The following NAALADL2 variants were observed in gnomAD, a reference collection of about 807,000 sequenced individuals.
The protein encoded by NAALADL2 is inactive N-acetylated-alpha-linked acidic dipeptidase-like protein 2.
In NAALADL2, 76 loss-of-function variants were observed where a neutral mutation model predicts 87.2. That is an observed-to-expected ratio of 0.87 (90% CI 0.72 to 1.05). The LOEUF (loss-of-function observed/expected upper bound fraction) is 1.05. Ranked by LOEUF, NAALADL2 falls within the 50% of genes least tolerant of loss-of-function variation. The pLI is 0.00. For missense variants in NAALADL2, 1,089 were observed against 945.8 expected (o/e 1.15, Z -1.99); for synonymous variants, 354 against 331.0 (o/e 1.07, Z -0.75).
intron 9 of NAALADL2, among the ~76,000 whole-genome samples, chr3:175,524,916 G>A (rs976119036): frequency 2.0e-5 from 3 of 152,132 alleles, no homozygotes; most frequent in South Asian, 2.1e-4. Flanking sequence ...AACTAATAAT[G>A]ATAGAGAAAT....
intron 11 of NAALADL2, among the ~76,000 whole-genome samples, chr3:175,689,999 G>A (rs1032448054): frequency 2.0e-5 from 3 of 151,950 alleles, no homozygotes; most frequent in Non-Finnish European, 4.4e-5. Context: ...GAAAACCACG[G>A]AGCTTTCATA....
intron 10 of NAALADL2, among the ~76,000 whole-genome samples, chr3:175,591,939 AAT>A: frequency 6.6e-6 from 1 of 151,926 alleles, no homozygotes; most frequent in Admixed American, 6.6e-5. Context: ...ATAGTGGAAA[AAT>A]AAAATCTGAG....
rs1040990173 is a variant in NAALADL2 at position 174,674,622 on chromosome 3, A to G, written c.-114-63019A>G. On this transcript the variant is annotated intron_variant, in intron 2 of 3. Coordinates refer to the NAALADL2 transcript ENST00000434257. ...TTGGTGGAAATAATTCCTTTTAAATAACTTATCTACCCTTTTATTGGGCCT... is the reference window on the plus strand; with the variant it reads ...TTGGTGGAAATAATTCCTTTTAAATGACTTATCTACCCTTTTATTGGGCCT... Among the ~76,000 whole-genome samples the G allele has an allele frequency of 2.0e-5, 3 of 152,006 alleles. No homozygotes were observed. The East Asian group carries it at 5.8e-4, about 29-fold the overall frequency.
chr3:175,617,345 C>A (rs1443967443), intron 10 of NAALADL2, among the ~76,000 whole-genome samples: 1 of 152,110 alleles, frequency 6.6e-6, no homozygotes, highest in Non-Finnish European at 1.5e-5. Flanking sequence ...TGCTGGGACC[C>A]ATTTGGTCCT....
intron 1 of NAALADL2, among the ~76,000 whole-genome samples, chr3:174,543,094 A>G (rs1291763061): frequency 1.3e-5 from 2 of 152,144 alleles, no homozygotes; most frequent in African/African-American, 4.8e-5. Context: ...AGAAGGAGAC[A>G]TTAGTGACTT....
intron 9 of NAALADL2, among the ~76,000 whole-genome samples, chr3:175,569,310 C>G (rs1283169002): frequency 6.6e-6 from 1 of 152,178 alleles, no homozygotes; most frequent in Non-Finnish European, 1.5e-5. Flanking sequence ...ATTCTTCTTA[C>G]TACCATTAGT....
At chr3:175,786,964 C>T (rs887454706) in intron 13 of NAALADL2, among the ~76,000 whole-genome samples, 5 of 152,024 alleles carry the variant, frequency 3.3e-5, no homozygotes, top group African/African-American at 9.7e-5. Context: ...TGTTGGAATA[C>T]CCTGCCATGT....
intron 5 of NAALADL2, among the ~76,000 whole-genome samples, chr3:175,415,954 T>TAAA (rs58764853): frequency 0.074 from 9,862 of 133,450 alleles, 551 homozygotes; most frequent in African/African-American, 0.16. Context: ...TGTCTCTATT[T>TAAA]AAAAAAAAAA....
chr3:174,786,543 A>T (rs1400457267), intron 3 of NAALADL2, among the ~76,000 whole-genome samples: 3 of 151,994 alleles, frequency 2.0e-5, no homozygotes, highest in Non-Finnish European at 4.4e-5. Flanking sequence ...AGGATGATAG[A>T]TCTGTTCTAT....
At chr3:174,897,459 A>T (rs1560337777) in intron 1 of NAALADL2, among the ~76,000 whole-genome samples, 1 of 152,182 alleles carries the variant, frequency 6.6e-6, no homozygotes, top group Non-Finnish European at 1.5e-5. Flanking sequence ...GAAAATCAAA[A>T]CTAGAGATAT....
At chr3:174,519,975 G>C (rs1720175955) in intron 1 of NAALADL2, among the ~76,000 whole-genome samples, 1 of 152,040 alleles carries the variant, frequency 6.6e-6, no homozygotes, top group Admixed American at 6.6e-5. Context: ...CACACACACA[G>C]AAAGTAAAAT....
chr3:175,369,233 T>C (rs1766117444), intron 5 of NAALADL2, among the ~76,000 whole-genome samples: 1 of 152,138 alleles, frequency 6.6e-6, no homozygotes, highest in African/African-American at 2.4e-5. Context: ...GTAGCAAGTA[T>C]GTGTGTGCCT....
chr3:174,482,156 G>T (rs1395661185), intron 1 of NAALADL2, among the ~76,000 whole-genome samples: 1 of 152,046 alleles, frequency 6.6e-6, no homozygotes, highest in Non-Finnish European at 1.5e-5. Flanking sequence ...AACACAGATG[G>T]CATTGCTGCT....
intron 9 of NAALADL2, among the ~76,000 whole-genome samples, chr3:175,479,623 A>C (rs1726174664): frequency 6.6e-6 from 1 of 151,792 alleles, no homozygotes; most frequent in Non-Finnish European, 1.5e-5. Flanking sequence ...CAGTGCAAAT[A>C]CACTTTTTCA....
intron 5 of NAALADL2, among the ~76,000 whole-genome samples, chr3:175,345,850 G>T (rs1340860731): frequency 6.6e-6 from 1 of 152,092 alleles, no homozygotes; most frequent in East Asian, 1.9e-4. Context: ...ACAGCAACAT[G>T]ATCTTCATGT....
chr3:174,467,035 G>T (rs1358228979), intron 1 of NAALADL2, among the ~76,000 whole-genome samples: 1 of 152,004 alleles, frequency 6.6e-6, no homozygotes, highest in East Asian at 1.9e-4. Context: ...TATGGTTTAT[G>T]TAGTCTATCT....
intron 3 of NAALADL2, among the ~76,000 whole-genome samples, chr3:174,781,335 G>T (rs1715959741): frequency 6.6e-6 from 1 of 151,820 alleles, no homozygotes; most frequent in South Asian, 2.1e-4. Flanking sequence ...TGTCTTGCTA[G>T]ATGGGGGAAG....
rs947574503 is a variant in NAALADL2 at position 175,808,178 on chromosome 3, T to G, written c.*4975T>G. On this transcript the variant is annotated 3_prime_UTR_variant, in exon 14 of 14. Coordinates refer to ENST00000454872, the MANE Select transcript of NAALADL2 (RefSeq NM_207015.3). ...AGCAGACCTGGGACCGTCAAGAATCTTGTTACCCTGATTATTGCAAGATGA... is the reference window on the plus strand; with the variant it reads ...AGCAGACCTGGGACCGTCAAGAATCGTGTTACCCTGATTATTGCAAGATGA... 5 of 152,060 alleles carry G rather than the reference T, an allele frequency of 3.3e-5. No individual in the cohort carries two copies. Among genetic ancestry groups the G allele is most frequent in the East Asian group, 1.9e-4 (1 of 5,176 alleles). The allele number at this position is 152,060 out of a possible 1,614,324, so 9.4% of individuals were successfully genotyped here.
chr3:175,374,586 GA>G (rs1766910507), intron 5 of NAALADL2, among the ~76,000 whole-genome samples: 5 of 66,722 alleles, frequency 7.5e-5, no homozygotes, highest in African/African-American at 2.3e-4. Flanking sequence ...AAAAAAAAAA[GA>G]AAGTTATATA....
Sources: gnomAD v4.1 joint callset for allele counts (sites outside exome capture counted in the v4.1 genomes callset) on GRCh38, gnomAD v4.1.1 for gene constraint, MANE v1.5 for transcripts, NCBI Gene and HGNC (gene_info 2026-07-23, HGNC 2026-07-21) for gene names.